Variants in DNAH11 observed in about 807,000 individuals in gnomAD.
DNAH11 encodes the protein dynein axonemal heavy chain 11.
DNAH11 carries 442 observed loss-of-function variants against 526.0 expected under a neutral mutation model. That is an observed-to-expected ratio of 0.84 (90% CI 0.78 to 0.91). The LOEUF is 0.91. Ranked by LOEUF, DNAH11 falls within the 40% of genes least tolerant of loss-of-function variation. DNAH11 has a pLI of 0.00. For missense variants in DNAH11, 6,989 were observed against 5,448.7 expected (o/e 1.28, Z -8.90); for synonymous variants, 2,461 against 1,935.9 (o/e 1.27, Z -7.12).
Position 21,744,994 on chromosome 7 carries a change from C to T in DNAH11, c.8441C>T (p.Thr2814Met). Residue 2814 changes from threonine to methionine, a missense_variant, in exon 51 of 82, where the codon ACG becomes ATG. Thr to Met is a moderately conservative substitution (Grantham distance 81). Coordinates refer to ENST00000409508, the MANE Select transcript of DNAH11 (RefSeq NM_001277115.2). ...GTGCTGAAGACGATTCTTACAGAAA[C>T]GTTAGACAACTACAATGAACTAAAT... The part of the protein sequence containing the change: ...WEVLKTILTE[T>M]LDNYNELNAA... 8 of 1,610,010 alleles carry T rather than the reference C, an allele frequency of 5.0e-6. No individual in the cohort carries two copies. Among genetic ancestry groups the T allele is most frequent in the Non-Finnish European group, 5.9e-6 (7 of 1,178,142 alleles).
chr7:21,735,045 C>T (rs1785543160), intron 45 of DNAH11, among the ~76,000 whole-genome samples: 1 of 151,828 alleles, frequency 6.6e-6, no homozygotes, highest in South Asian at 2.1e-4. Flanking sequence ...TGGTGCACAC[C>T]TGTAGTCCCA....
chr7:21,705,220 C>T (rs1021530828), intron 38 of DNAH11, among the ~76,000 whole-genome samples: 2 of 152,166 alleles, frequency 1.3e-5, no homozygotes, highest in African/African-American at 4.8e-5. Context: ...TAACCCCTGC[C>T]ATATACTGAG....
Position 21,867,867 on chromosome 7 carries a change from T to C in DNAH11, c.11699T>C (p.Val3900Ala). 6.4e-7 allele frequency: 1 copy of C among 1,571,182 alleles called. No homozygotes were observed. Among genetic ancestry groups the C allele is most frequent in the Non-Finnish European group, 8.6e-7 (1 of 1,156,842 alleles). ...ATTCTTGTTTTTTATAGAAATTTTG[T>C]AGAGGAAAAACTGGGTGCGAAGTAT... ...DRMTYALRNFVEEKLGAKYVE... is the reference protein window; with the variant it reads ...DRMTYALRNFAEEKLGAKYVE... The change falls in exon 72 of 82, where the codon GTA becomes GCA. Residue 3900 changes from valine to alanine, a missense_variant. Physicochemically the swap from Val to Ala is moderately conservative, Grantham distance 64 (BLOSUM62 0). Transcript: ENST00000409508.
In DNAH11 at chr7:21,619,117, T is replaced by A; in HGVS notation, c.4272T>A (p.Asn1424Lys). The A allele has an allele frequency of 6.2e-7, 1 of 1,613,606 alleles. No homozygotes were observed. Among genetic ancestry groups the A allele is most frequent in the Non-Finnish European group, 8.5e-7 (1 of 1,179,660 alleles). The stretch of plus-strand genomic sequence containing the variant: ...CCAATCAGGTCAAGTTTTTAATAAA[T>A]GAAGCCACAACTTTGGCAGATTTGT... ...MKAIGVKFLI[N>K]EATTLADLLA... Residue 1424 changes from asparagine to lysine, a missense_variant, in exon 24 of 82, where the codon AAT becomes AAA. By Grantham distance (94) the Asn-to-Lys change is moderately conservative. Transcript: ENST00000409508.
chr7:21,753,760 T>C (rs1786512011), intron 54 of DNAH11, among the ~76,000 whole-genome samples: 1 of 152,234 alleles, frequency 6.6e-6, no homozygotes, highest in Admixed American at 6.5e-5. Context: ...AATTGCTCTT[T>C]CTTGTTAAGC....
chr7:21,826,419 A>G (rs893314272), intron 65 of DNAH11, among the ~76,000 whole-genome samples: 1 of 152,236 alleles, frequency 6.6e-6, no homozygotes, highest in African/African-American at 2.4e-5. Flanking sequence ...GGGAGAAAAT[A>G]TAAAAGAAAA....
At chr7:21,798,827 A>G (rs759755494) in intron 61 of DNAH11, among the ~76,000 whole-genome samples, 1 of 152,204 alleles carries the variant, frequency 6.6e-6, no homozygotes, top group Non-Finnish European at 1.5e-5. Context: ...GTTTGCAAAA[A>G]TCTAAATGTC....
chr7:21,639,571 A>G (rs540542797), intron 28 of DNAH11, among the ~76,000 whole-genome samples: 16 of 152,350 alleles, frequency 1.1e-4, no homozygotes, highest in African/African-American at 3.4e-4. Context: ...TATCTCTGCA[A>G]AAATAATGCA....
At chr7:21,691,275 T>G (rs1201781694) in intron 35 of DNAH11, among the ~76,000 whole-genome samples, 1 of 151,724 alleles carries the variant, frequency 6.6e-6, no homozygotes, top group Admixed American at 6.6e-5. Context: ...GCTGGCTCAT[T>G]TTTGCTCCTC....
rs543503024 is a variant in DNAH11 at position 21,795,279 on chromosome 7, A to G, written c.10027-5858A>G. Among the ~76,000 whole-genome samples, 7 of 152,322 alleles carry G rather than the reference A, an allele frequency of 4.6e-5. No individual in the cohort carries two copies. The East Asian group carries it at 1.4e-3, about 29-fold the overall frequency. ...GTGCGGATCCTAGTACCTAGTACCTAGTGGGTACTGACCTTTGCTGTGTAC... is the reference window on the plus strand; with the variant it reads ...GTGCGGATCCTAGTACCTAGTACCTGGTGGGTACTGACCTTTGCTGTGTAC... On this transcript the variant is annotated intron_variant, in intron 61 of 81. Coordinates refer to ENST00000409508, the MANE Select transcript of DNAH11 (RefSeq NM_001277115.2).
intron 63 of DNAH11, among the ~76,000 whole-genome samples, chr7:21,812,948 A>G (rs561404560): frequency 6.6e-6 from 1 of 152,278 alleles, no homozygotes; most frequent in African/African-American, 2.4e-5. Context: ...GCTTAAGACA[A>G]GCAGGTAGAG....
intron 35 of DNAH11, among the ~76,000 whole-genome samples, chr7:21,695,573 C>A (rs567677870): frequency 6.6e-6 from 1 of 152,286 alleles, no homozygotes; most frequent in African/African-American, 2.4e-5. Context: ...CTTCCTTACA[C>A]CTTACACAAA....
rs1413907718 is a variant in DNAH11, at chr7:21,739,692, C to T, written c.7914+19C>T. 6.4e-7 allele frequency: 1 copy of T among 1,568,732 alleles called. No individual in the cohort carries two copies. Among genetic ancestry groups the T allele is most frequent in the Non-Finnish European group, 8.8e-7 (1 of 1,141,936 alleles). On this transcript the variant is annotated intron_variant, in intron 48 of 81. Transcript: ENST00000409508. ...GCTACAGGTAGGGTGTTGAATACTG[C>T]TCTCAAAAACTGTAGGTCTGTATTG... is the stretch of plus-strand genomic sequence containing the variant.
intron 28 of DNAH11, among the ~76,000 whole-genome samples, chr7:21,642,002 A>T (rs1787152015): frequency 6.6e-6 from 1 of 152,168 alleles, no homozygotes; most frequent in African/African-American, 2.4e-5. Context: ...CACGCTAACA[A>T]AGGGAGGTGG....
chr7:21,842,888 A>G (rs1387309901), intron 66 of DNAH11, 140 bp downstream of exon 66: 1 of 746,830 alleles, frequency 1.3e-6, no homozygotes, highest in Non-Finnish European at 2.1e-6. Context: ...TATACATGTT[A>G]AAAGTTAAAC....
chr7:21,814,832 T>A (rs1789704595), intron 63 of DNAH11, among the ~76,000 whole-genome samples: 2 of 152,124 alleles, frequency 1.3e-5, no homozygotes, highest in South Asian at 4.1e-4. Context: ...TAGGTTAATA[T>A]TAATGTGAAA....
chr7:21,767,727 T>C lies in DNAH11; in HGVS notation c.9102+2138T>C, dbSNP rs567869924. ...GCAATAATTATAATTCAGAGTACAA[T>C]GTGTCCATGGTCTTCTAAAAACCTG... is the stretch of plus-strand genomic sequence containing the variant. On this transcript the variant is annotated intron_variant, in intron 55 of 81. Transcript: ENST00000409508. 1.4e-4 allele frequency among the ~76,000 whole-genome samples: 21 copies of C among 152,352 alleles called. 1 individual carries two copies. Among genetic ancestry groups the C allele is most frequent in the African/African-American group, 4.6e-4 (19 of 41,590 alleles).
In DNAH11 at chr7:21,829,295, T is replaced by A. The variant is rs1287145714; in HGVS notation, c.10691+10956T>A. 2.0e-5 allele frequency among the ~76,000 whole-genome samples: 3 copies of A among 151,596 alleles called. No individual in the cohort carries two copies. In the East Asian group the frequency reaches 5.9e-4, roughly 30 times the overall value. On this transcript the variant is annotated intron_variant, in intron 65 of 81. Coordinates refer to ENST00000409508, the MANE Select transcript of DNAH11 (RefSeq NM_001277115.2). ...TCTTAAAAAGCAGCTACTATCTCTT[T>A]ACCTTGACAAAATGCCTCTGATGAA... is the stretch of plus-strand genomic sequence containing the variant.
At position 21,571,982 on chromosome 7, in the gene DNAH11, G is replaced by T. The variant is rs763282552; in HGVS notation, c.1593+9G>T. ...CTGATTGCACTAACATGGTAATGTT[G>T]TACCTTTGCATTTTCATTGCATGGG... On this transcript the variant is annotated intron_variant, in intron 8 of 81. Transcript: ENST00000409508. 4.0e-6 allele frequency: 6 copies of T among 1,510,622 alleles called. No individual in the cohort carries two copies. The highest frequency in any genetic ancestry group is 2.1e-4 in the Middle Eastern group (1 of 4,674). 93.6% of individuals were successfully genotyped at this position (1,510,622 alleles called of 1,614,324 possible).
Sources: allele counts gnomAD v4.1 joint callset (sites outside exome capture counted in the v4.1 genomes callset), GRCh38; gene constraint gnomAD v4.1.1; transcripts MANE v1.5; gene names NCBI Gene and HGNC (gene_info 2026-07-23, HGNC 2026-07-21).